KIDINS220: variants seen among roughly 807,000 people sequenced by gnomAD.
KIDINS220 encodes the protein kinase D-interacting substrate of 220 kDa.
In KIDINS220, 63 loss-of-function variants were observed where a neutral mutation model predicts 157.6. The observed-to-expected ratio is 0.40, with a 90% CI of 0.33 to 0.49. The LOEUF is 0.49. Ranked by LOEUF, KIDINS220 falls within the 20% of genes least tolerant of loss-of-function variation. KIDINS220 has a pLI of 0.66. For missense variants in KIDINS220, 1,772 were observed against 2,171.2 expected, an observed-to-expected ratio of 0.82 and a Z score of 3.65; for synonymous variants, 732 against 783.6, an observed-to-expected ratio of 0.93 and a Z score of 1.10.
At chr2:8,776,498 A>G (rs184901488) in intron 21 of KIDINS220, among the ~76,000 whole-genome samples, 1 of 152,312 alleles carries the variant, frequency 6.6e-6, no homozygotes, top group African/African-American at 2.4e-5. Flanking sequence ...TGAAAGAAAA[A>G]CTTGAAGCAA....
In KIDINS220 at chr2:8,752,455, C is replaced by T. The variant is rs767195696; in HGVS notation, c.3012-811G>A. 5.3e-5 allele frequency among the ~76,000 whole-genome samples: 8 copies of T among 152,236 alleles called. No individual in the cohort carries two copies. In the South Asian group the frequency reaches 8.3e-4, roughly 16 times the overall value. ...TTGGGTGGGAAAACAGAAGGAAAGA[C>T]GCACATGCACAGGTGTGTCATATGC... On this transcript the variant is annotated intron_variant, in intron 22 of 29. Transcript: ENST00000256707.
At chr2:8,728,019 G>GATA (rs1200233167), downstream of KIDINS220, among the ~76,000 whole-genome samples, 4 of 152,202 alleles carry the variant, frequency 2.6e-5, no homozygotes, top group Admixed American at 2.0e-4. Flanking sequence ...AACTATCTGT[G>GATA]GCTTACAGTG....
At position 8,776,823 on chromosome 2, in the gene KIDINS220, G is replaced by C. The variant is rs1374775503; in HGVS notation, c.2773C>G (p.Leu925Val). ...RQMSFDLTKL[L>V]VTEDWFSDIS... ...TCACTGAACCAGTCCTCGGTAACCA[G>C]CAGTTTTGTAAGATCAAAGGACATC... is the stretch of plus-strand genomic sequence containing the variant. The change falls in exon 21 of 30, where the codon CTG becomes GTG. Residue 925 changes from leucine to valine, a missense_variant. Transcript: ENST00000256707. The C allele has an allele frequency of 6.2e-7, 1 of 1,613,880 alleles. No homozygotes were observed. The highest frequency in any genetic ancestry group is 8.5e-7 in the Non-Finnish European group (1 of 1,179,924).
intron 4 of KIDINS220, among the ~76,000 whole-genome samples, chr2:8,816,346 T>C (rs1397534042): frequency 1.3e-5 from 2 of 152,234 alleles, no homozygotes; most frequent in Non-Finnish European, 2.9e-5. Flanking sequence ...AAGTGCTTAC[T>C]AGCTGTGTGA....
At position 8,779,754 on chromosome 2, in the gene KIDINS220, G is replaced by T; in HGVS notation, c.2290C>A (p.Gln764Lys). 2 of 1,614,170 alleles carry T rather than the reference G, an allele frequency of 1.2e-6. No individual in the cohort carries two copies. The highest frequency in any genetic ancestry group is 1.7e-6 in the Non-Finnish European group (2 of 1,180,010). The change falls in exon 18 of 30, where the codon CAG (glutamine) becomes AAG (lysine). Residue 764 changes from glutamine (Q) to lysine (K), a missense_variant. Gln to Lys is a moderately conservative substitution (Grantham distance 53). Transcript: ENST00000256707. ...RMAKTIDSFT[Q>K]NQTRLVVIID... ...ATGACCACCAGCCTTGTCTGATTCT[G>T]AGTGAAGCTGTCAATGGTTTTTGCC...
In KIDINS220 at chr2:8,730,804, C is replaced by T. The variant is rs1454585120; in HGVS notation, c.5232G>A (p.Arg1744=). 1 of 1,614,176 alleles carries T rather than the reference C, an allele frequency of 6.2e-7. No homozygotes were observed. The highest frequency in any genetic ancestry group is 1.7e-5 in the Admixed American group (1 of 60,022). ...GGAGCTCCGGAGGATCTTTGGAGAGCCTTGTGTAACTTGAACGTTGGCTTC... is the reference window on the plus strand; with the variant it reads ...GGAGCTCCGGAGGATCTTTGGAGAGTCTTGTGTAACTTGAACGTTGGCTTC... ...HKRSQRSSYT[R]LSKDPPELHA... Residue 1744 remains arginine (R), a synonymous_variant, in exon 30 of 30, where the codon AGG becomes AGA. Transcript: ENST00000256707.
At chr2:8,810,413 G>A (rs574120988) in intron 6 of KIDINS220, among the ~76,000 whole-genome samples, 6 of 152,294 alleles carry the variant, frequency 3.9e-5, no homozygotes, top group African/African-American at 1.4e-4. Flanking sequence ...TGATTCTGGA[G>A]GGCCTTGAAA....
At position 8,789,944 on chromosome 2, in the gene KIDINS220, C is replaced by T. The variant is rs370240605; in HGVS notation, c.1557G>A (p.Thr519=). 1.1e-5 allele frequency: 17 copies of T among 1,613,826 alleles called. No individual in the cohort carries two copies. Among genetic ancestry groups the T allele is most frequent in the Admixed American group, 8.3e-5 (5 of 59,940 alleles). ...CTGCTATTCCAAGATTTGGGTGGAC[C>T]GTGAAGGCAAACAATAAACCAAGCC... ...CGGLGLLFAF[T]VHPNLGIAVS... Residue 519 remains threonine, a synonymous_variant, in exon 14 of 30, where the codon ACG becomes ACA. Coordinates refer to ENST00000256707, the MANE Select transcript of KIDINS220 (RefSeq NM_020738.4).
intron 4 of KIDINS220, among the ~76,000 whole-genome samples, chr2:8,815,532 G>A (rs1398029165): frequency 9.9e-5 from 15 of 152,250 alleles, no homozygotes; most frequent in Non-Finnish European, 1.6e-4. Context: ...AGCCAGGTGC[G>A]GTGGCATGCA....
rs529392499 is a variant in KIDINS220 at position 8,786,553 on chromosome 2, G to GA, written c.1788-197dup. Among the ~76,000 whole-genome samples the GA allele has an allele frequency of 2.0e-4, 30 of 151,954 alleles. No individual in the cohort carries two copies. The East Asian group carries it at 5.8e-3, about 29-fold the overall frequency. Reference sequence around the variant, plus strand: ...CTAAAATCTTACATACTTTTCTTAGGAAAAAACAGTAACAAAAGTGAAATG... The same window carrying GA: ...CTAAAATCTTACATACTTTTCTTAGGAAAAAAACAGTAACAAAAGTGAAATG... On this transcript the variant is annotated intron_variant, in intron 15 of 29. Transcript: ENST00000256707.
chr2:8,802,727 TAAC>T (rs987642179), intron 8 of KIDINS220, among the ~76,000 whole-genome samples, 200 bp downstream of exon 8: 7 of 152,314 alleles, frequency 4.6e-5, no homozygotes, highest in Admixed American at 1.3e-4. Flanking sequence ...ACATTTTCAA[TAAC>T]AACATTATTT....
In KIDINS220 at chr2:8,731,662, G is replaced by A. The variant is rs1382616376; in HGVS notation, c.4374C>T (p.Ile1458=). 1.9e-6 allele frequency: 3 copies of A among 1,614,166 alleles called. No individual in the cohort carries two copies. Among genetic ancestry groups the A allele is most frequent in the African/African-American group, 1.3e-5 (1 of 75,028 alleles). Residue 1458 remains isoleucine, a synonymous_variant, in exon 30 of 30, where the codon ATC becomes ATT. Transcript: ENST00000256707. The surrounding 1 kb of genome is among the most constrained non-coding windows in gnomAD (Gnocchi z 5.2). The stretch of plus-strand genomic sequence containing the variant: ...TGGAAACCCCTGATGATGAATAATC[G>A]ATAACATCTCCCCTCTTCATTAGAA... The part of the protein sequence containing the change: ...KSFLMKRGDV[I]DYSSSGVSTN...
At chr2:8,777,804 C>A (rs1387863507) in intron 20 of KIDINS220, among the ~76,000 whole-genome samples, 2 of 152,100 alleles carry the variant, frequency 1.3e-5, no homozygotes, top group African/African-American at 4.8e-5. Flanking sequence ...CATGGGGCAC[C>A]CAAGGTTGCC....
chr2:8,734,791 G>T, intron 27 of KIDINS220, 38 bp from the exon 28 acceptor site: 1 of 1,416,322 alleles, frequency 7.1e-7, no homozygotes. Context: ...TATAAAGACA[G>T]AATGTGAAAT....
rs1006907809 is a variant in KIDINS220, at chr2:8,736,550, G to T, written c.3717+318C>A. The stretch of plus-strand genomic sequence containing the variant: ...AAGGTTTTCGGTTCCACACTGGAAA[G>T]ATGAGTTCTGTTTATCCCAATGGGA... On this transcript the variant is annotated intron_variant, in intron 27 of 29. Transcript: ENST00000256707. 1.2e-4 allele frequency among the ~76,000 whole-genome samples: 18 copies of T among 152,206 alleles called. 1 individual carries two copies. The highest frequency in any genetic ancestry group is 2.0e-4 in the Admixed American group (3 of 15,286).
At position 8,746,948 on chromosome 2, in the gene KIDINS220, A is replaced by G. The variant is rs1296381292; in HGVS notation, c.3585+197T>C. 9 of 522,518 alleles carry G rather than the reference A, an allele frequency of 1.7e-5. No individual in the cohort carries two copies. In the East Asian group the frequency reaches 2.4e-4, roughly 14 times the overall value. 32.4% of individuals were successfully genotyped at this position (522,518 alleles called of 1,614,324 possible). ...TGAAAAAGGGGAAAAGCAGGAGGAA[A>G]TAATGGGTGAAGTTAAACATCCGCT... On this transcript the variant is annotated intron_variant, in intron 26 of 29. Coordinates refer to ENST00000256707, the MANE Select transcript of KIDINS220 (RefSeq NM_020738.4).
Position 8,785,972 on chromosome 2 carries a change from GA to G in KIDINS220, c.1997del (p.Ile666ThrfsTer22). The G allele has an allele frequency of 6.2e-7, 1 of 1,612,356 alleles. No homozygotes were observed. Among genetic ancestry groups the G allele is most frequent in the Non-Finnish European group, 8.5e-7 (1 of 1,179,546 alleles). ...CLPSFVIFLF[I>X]IGCIISGITL... is the part of the protein sequence containing the mutation. ...TAATTCCAGATATAATGCAGCCAAT[GA>G]TAAAAAGGAAGATGACAAAAGATGG... On this transcript the variant is annotated frameshift_variant, in exon 17 of 30. Transcript: ENST00000256707. LOFTEE classifies it high-confidence loss of function.
chr2:8,805,804 G>C (rs1250293900), intron 7 of KIDINS220, among the ~76,000 whole-genome samples: 1 of 152,094 alleles, frequency 6.6e-6, no homozygotes, highest in African/African-American at 2.4e-5. Context: ...TCTCCCAACT[G>C]CCTGCAGTAT....
intron 26 of KIDINS220, among the ~76,000 whole-genome samples, chr2:8,744,066 T>C (rs1432409565): frequency 1.4e-5 from 2 of 147,124 alleles, no homozygotes; most frequent in East Asian, 2.0e-4. Flanking sequence ...AATATATTAA[T>C]ATATTTTATA....
Sources: gnomAD v4.1 joint callset for allele counts (sites outside exome capture counted in the v4.1 genomes callset) on GRCh38, gnomAD v4.1.1 for gene constraint, Gnocchi (gnomAD v3.1) non-coding constraint, MANE v1.5 for transcripts, NCBI Gene and HGNC (gene_info 2026-07-23, HGNC 2026-07-21) for gene names.